INTS9: variants seen among roughly 807,000 people sequenced by gnomAD.
INTS9 encodes the protein protein related to CPSF subunits of 74 kDa.
A neutral mutation model predicts 79.7 loss-of-function variants in INTS9; 55 were observed. The ratio of observed to expected loss-of-function variants is 0.69; its 90% CI spans 0.56 to 0.86. The LOEUF (loss-of-function observed/expected upper bound fraction) is 0.86. Among genes scored for constraint, INTS9 ranks in the 40% least tolerant of loss-of-function variants. The pLI is 0.00. For synonymous variants in INTS9, 319 were observed against 325.2 expected, an observed-to-expected ratio of 0.98 and a Z score of 0.20; for missense variants, 721 against 831.5, an observed-to-expected ratio of 0.87 and a Z score of 1.64.
chr8:28,881,139 C>T (rs1307703260), intron 1 of INTS9, among the ~76,000 whole-genome samples: 6 of 149,218 alleles, frequency 4.0e-5, no homozygotes, highest in Non-Finnish European at 6.0e-5. Context: ...GGGTCAGCCC[C>T]CCGCCCGGCT....
chr8:28,804,150 T>A (rs2131005326), intron 8 of INTS9, among the ~76,000 whole-genome samples: 1 of 152,222 alleles, frequency 6.6e-6, no homozygotes, highest in East Asian at 1.9e-4. Flanking sequence ...TCTTGAACAC[T>A]CCTGAGCTCA....
chr8:28,793,805 A>G lies in INTS9; in HGVS notation c.1037+2T>C. ...AAAAAAAAAAAAAAACCACGGACATACCACTCAGCAAAGATCTGGGAAAAC... is the reference window on the plus strand; with the variant it reads ...AAAAAAAAAAAAAAACCACGGACATGCCACTCAGCAAAGATCTGGGAAAAC... On this transcript the variant is annotated splice_donor_variant, in intron 10 of 16. Coordinates refer to ENST00000521022, the MANE Select transcript of INTS9 (RefSeq NM_018250.4). LOFTEE classifies it high-confidence loss of function. 6.3e-7 allele frequency: 1 copy of G among 1,581,280 alleles called. No individual in the cohort carries two copies. The highest frequency in any genetic ancestry group is 8.6e-7 in the Non-Finnish European group (1 of 1,165,378).
At chr8:28,857,431 T>A (rs572626087) in intron 2 of INTS9, among the ~76,000 whole-genome samples, 15 of 152,132 alleles carry the variant, frequency 9.9e-5, no homozygotes, top group Middle Eastern at 3.4e-3. Context: ...GAGGTTCTAG[T>A]GGAGTGGTGT....
rs1464711096 is a variant in INTS9, at chr8:28,859,552, T to C, written c.21A>G (p.Ser7=). 2 of 1,614,130 alleles carry C rather than the reference T, an allele frequency of 1.2e-6. No individual in the cohort carries two copies. Among genetic ancestry groups the C allele is most frequent in the Admixed American group, 3.3e-5 (2 of 60,022 alleles). Residue 7 remains serine, a synonymous_variant, in exon 2 of 17, where the codon TCA becomes TCG. Coordinates refer to ENST00000521022, the MANE Select transcript of INTS9 (RefSeq NM_018250.4). MKLYCL[S]GHPTLPCNVL... ...CATTGCATGGTAAGGTTGGGTGCCC[T>C]GACAGGCAATACTGAAAAAAATTAA...
At chr8:28,770,122 C>T in intron 15 of INTS9, 96 bp from the exon 16 acceptor site, 3 of 1,464,182 alleles carry the variant, frequency 2.0e-6, no homozygotes, top group African/African-American at 1.4e-5. Context: ...CCTGTCCTCA[C>T]AGGCCACAGA....
At chr8:28,774,626 AAT>A (rs1435337502) in intron 14 of INTS9, among the ~76,000 whole-genome samples, 1 of 152,216 alleles carries the variant, frequency 6.6e-6, no homozygotes, top group Non-Finnish European at 1.5e-5. Context: ...GGCTCATGGA[AAT>A]GAGTCACATT....
intron 6 of INTS9, among the ~76,000 whole-genome samples, chr8:28,818,637 G>A (rs1314101912): frequency 7.1e-6 from 1 of 141,352 alleles, no homozygotes; most frequent in Non-Finnish European, 1.5e-5. Flanking sequence ...TCTCTGCCCG[G>A]CTTTGGTATC....
intron 1 of INTS9, among the ~76,000 whole-genome samples, chr8:28,878,430 A>G (rs1681606510): frequency 6.6e-6 from 1 of 151,554 alleles, no homozygotes; most frequent in African/African-American, 2.4e-5. Flanking sequence ...CTCCTACCTC[A>G]GCCTCTTGAG....
Position 28,850,250 on chromosome 8 carries a change from C to A in INTS9, c.161G>T (p.Gly54Val). 2 of 1,613,608 alleles carry A rather than the reference C, an allele frequency of 1.2e-6. No individual in the cohort carries two copies. The highest frequency in any genetic ancestry group is 1.7e-6 in the Non-Finnish European group (2 of 1,179,654). Residue 54 changes from glycine to valine, a missense_variant, in exon 3 of 17, where the codon GGC (glycine) becomes GTC (valine). Gly to Val is a moderately radical substitution (Grantham distance 109, BLOSUM62 -3). This residue lies in a region of INTS9 where 291 missense variants were observed against 307.0 expected (regional missense o/e 0.95). Coordinates refer to ENST00000521022, the MANE Select transcript of INTS9 (RefSeq NM_018250.4). ...VQSPRLSNLP[G>V]WSLKDGNAFL... ...AGCATTTCCATCCTTCAGGGACCAGCCAGGAAGATTGGACAGCCTGGGACT... is the reference window on the plus strand; with the variant it reads ...AGCATTTCCATCCTTCAGGGACCAGACAGGAAGATTGGACAGCCTGGGACT...
chr8:28,873,759 A>G (rs1251211220), intron 1 of INTS9, among the ~76,000 whole-genome samples: 2 of 152,218 alleles, frequency 1.3e-5, no homozygotes, highest in Non-Finnish European at 2.9e-5. Flanking sequence ...CATACTTTCT[A>G]GTAATTTGTC....
At chr8:28,833,473 AGCTGGGTGTGGTT>A (rs1806616535) in intron 6 of INTS9, among the ~76,000 whole-genome samples, 1 of 152,038 alleles carries the variant, frequency 6.6e-6, no homozygotes, top group Non-Finnish European at 1.5e-5. Flanking sequence ...TACAAAAATT[AGCTGGGTGTGGTT>A]GCACACACCT....
intron 2 of INTS9, among the ~76,000 whole-genome samples, chr8:28,853,865 C>T (rs1338909381): frequency 3.3e-5 from 5 of 151,832 alleles, no homozygotes; most frequent in African/African-American, 1.2e-4. Context: ...ACTACAGGTG[C>T]CTGCCACCAC....
At chr8:28,785,096 C>G (rs34023626) in intron 11 of INTS9, among the ~76,000 whole-genome samples, 3 of 152,234 alleles carry the variant, frequency 2.0e-5, no homozygotes, top group African/African-American at 4.8e-5. Flanking sequence ...TTTTTAGCAG[C>G]AGGATCACAG....
intron 11 of INTS9, among the ~76,000 whole-genome samples, chr8:28,786,749 A>G (rs1181387246): frequency 2.6e-5 from 4 of 151,812 alleles, no homozygotes; most frequent in Admixed American, 2.6e-4. Flanking sequence ...ACGGAGTCTC[A>G]CTCTGTGACC....
chr8:28,770,977 C>T lies in INTS9; in HGVS notation c.1662+5G>A, dbSNP rs1367584817. 2 of 1,611,642 alleles carry T rather than the reference C, an allele frequency of 1.2e-6. No individual in the cohort carries two copies. Among genetic ancestry groups the T allele is most frequent in the Non-Finnish European group, 1.7e-6 (2 of 1,179,130 alleles). ...TCCCCTGCACTCCCACCCAGCACCC[C>T]CTACCTGAAGCAAGTGCTTGTTATC... On this transcript the variant is annotated splice_donor_5th_base_variant and intron_variant, in intron 15 of 16. Coordinates refer to ENST00000521022, the MANE Select transcript of INTS9 (RefSeq NM_018250.4).
In INTS9 at chr8:28,767,940, C is replaced by A. The variant is rs1454927992; in HGVS notation, c.*206G>T. ...GAGCCAGAGTTGAGAAGAAAATGAG[C>A]CTGAAGTTGAAAGGGAAAGTTCTTG... On this transcript the variant is annotated 3_prime_UTR_variant, in exon 17 of 17. Coordinates refer to ENST00000521022, the MANE Select transcript of INTS9 (RefSeq NM_018250.4). The A allele has an allele frequency of 3.5e-6, 2 of 575,546 alleles. No individual in the cohort carries two copies. Among genetic ancestry groups the A allele is most frequent in the Non-Finnish European group, 6.2e-6 (2 of 323,230 alleles). The allele number at this position is 575,546 out of a possible 1,614,324, so 35.7% of individuals were successfully genotyped here. A position where few individuals can be genotyped will look rare whatever the true frequency, so the allele number is the denominator to read the frequency against.
At chr8:28,852,331 A>G (rs1807891677) in intron 2 of INTS9, among the ~76,000 whole-genome samples, 1 of 152,074 alleles carries the variant, frequency 6.6e-6, no homozygotes, top group South Asian at 2.1e-4. Context: ...AGTTTTTAAA[A>G]AAGTTTTTAA....
At chr8:28,801,362 C>T (rs376668620) in intron 8 of INTS9, among the ~76,000 whole-genome samples, 1 of 152,070 alleles carries the variant, frequency 6.6e-6, no homozygotes, top group South Asian at 2.1e-4. Flanking sequence ...TGGTGGTGTG[C>T]GCCTATACCT....
chr8:28,799,822 C>A (rs914047039), intron 8 of INTS9, among the ~76,000 whole-genome samples: 1 of 152,200 alleles, frequency 6.6e-6, no homozygotes, highest in East Asian at 1.9e-4. Flanking sequence ...GCCAGCAACA[C>A]CCAACTCGGG....
Sources: gnomAD v4.1 joint callset for allele counts (sites outside exome capture counted in the v4.1 genomes callset) on GRCh38, gnomAD v4.1.1 for gene constraint, gnomAD v4.1.1 regional missense constraint, MANE v1.5 for transcripts, NCBI Gene and HGNC (gene_info 2026-07-23, HGNC 2026-07-21) for gene names.